SKA2: variants seen among roughly 807,000 people sequenced by gnomAD.
SKA2 encodes spindle and kinetochore-associated protein 2.
In SKA2, 13 loss-of-function variants were observed where a neutral mutation model predicts 16.9. The ratio of observed to expected loss-of-function variants is 0.77; its 90% CI spans 0.50 to 1.22. The LOEUF is 1.22. Among genes scored for constraint, SKA2 ranks in the 50% most tolerant of loss-of-function variants. The probability of loss-of-function intolerance (pLI) is 0.00; values close to 1 mark genes in which losing one functional copy is unlikely to be tolerated. For synonymous variants in SKA2, 47 were observed against 48.5 expected (o/e 0.97, Z 0.13); for missense variants, 107 against 139.7 (o/e 0.77, Z 1.18).
chr17:59,148,302 A>T (rs2046549613), intron 1 of SKA2, among the ~76,000 whole-genome samples: 1 of 152,174 alleles, frequency 6.6e-6, no homozygotes, highest in South Asian at 2.1e-4. Context: ...TCTATCCGGC[A>T]CAGTGGTTCA....
At position 59,147,281 on chromosome 17, in the gene SKA2, C is replaced by G. The variant is rs144857425; in HGVS notation, c.33+7850G>C. ...TCCTACCCACTATTCTAACAGCCCA[C>G]TAGAGAACAGTAAGAAATTGTAATT... On this transcript the variant is annotated intron_variant, in intron 1 of 3. Coordinates refer to ENST00000330137, the MANE Select transcript of SKA2 (RefSeq NM_182620.4). Among the ~76,000 whole-genome samples, 92 of 151,962 alleles carry G rather than the reference C, an allele frequency of 6.1e-4. 2 individuals carry two copies. Among genetic ancestry groups the G allele is most frequent in the African/African-American group, 2.1e-3 (88 of 41,438 alleles).
chr17:59,126,112 A>G (rs2046370753), intron 2 of SKA2, among the ~76,000 whole-genome samples: 1 of 152,066 alleles, frequency 6.6e-6, no homozygotes, highest in Non-Finnish European at 1.5e-5. Context: ...CGGAGCTTGC[A>G]GTGAGCCGAG....
At chr17:59,122,347 C>G (rs112419225) in intron 2 of SKA2, among the ~76,000 whole-genome samples, 1 of 151,958 alleles carries the variant, frequency 6.6e-6, no homozygotes, top group Non-Finnish European at 1.5e-5. Context: ...CAGTGACTCA[C>G]GCCTGCAAGT....
Position 59,111,892 on chromosome 17 carries a change from C to A in SKA2, c.*385G>T. The A allele has an allele frequency of 5.8e-6, 1 of 171,058 alleles. No individual in the cohort carries two copies. The allele number at this position is 171,058 out of a possible 1,614,324, so 10.6% of individuals were successfully genotyped here. The stretch of plus-strand genomic sequence containing the variant: ...TACTTTAATTTACAAAGCCACATAC[C>A]GAATGACTGAAATGTACATAAACAT... On this transcript the variant is annotated 3_prime_UTR_variant, in exon 4 of 4. Coordinates refer to ENST00000330137, the MANE Select transcript of SKA2 (RefSeq NM_182620.4).
chr17:59,154,358 A>ATG (rs2046604024), intron 1 of SKA2, among the ~76,000 whole-genome samples: 1 of 152,062 alleles, frequency 6.6e-6, no homozygotes, highest in Non-Finnish European at 1.5e-5. Flanking sequence ...ACAGCCCCCC[A>ATG]GCTGGGCGCC....
At chr17:59,118,945 A>G (rs541218090) in intron 3 of SKA2, among the ~76,000 whole-genome samples, 18 of 152,194 alleles carry the variant, frequency 1.2e-4, no homozygotes, top group Non-Finnish European at 2.2e-4. Flanking sequence ...CTCGTGGCAG[A>G]CTACGCTATT....
At chr17:59,149,906 T>C (rs944725774) in intron 1 of SKA2, among the ~76,000 whole-genome samples, 6 of 152,032 alleles carry the variant, frequency 3.9e-5, no homozygotes, top group Non-Finnish European at 5.9e-5. Context: ...CACAAAGGAA[T>C]GTAGGGGTCT....
intron 2 of SKA2, among the ~76,000 whole-genome samples, chr17:59,127,703 A>T (rs900393693): frequency 2.0e-4 from 30 of 151,576 alleles, no homozygotes; most frequent in African/African-American, 2.9e-4. Flanking sequence ...TTTTTTTTTT[A>T]AACTGAGAAT....
rs1014429657 is a variant in SKA2 at position 59,111,869 on chromosome 17, C to G, written c.*408G>C. 1 of 161,450 alleles carries G rather than the reference C, an allele frequency of 6.2e-6. No individual in the cohort carries two copies. Among genetic ancestry groups the G allele is most frequent in the Non-Finnish European group, 1.4e-5 (1 of 72,212 alleles). 10.0% of individuals were successfully genotyped at this position (161,450 alleles called of 1,614,324 possible). ...GTATAACACAAATGTTTTGCCTATACTTTAATTTACAAAGCCACATACCGA... is the reference window on the plus strand; with the variant it reads ...GTATAACACAAATGTTTTGCCTATAGTTTAATTTACAAAGCCACATACCGA... On this transcript the variant is annotated 3_prime_UTR_variant, in exon 4 of 4. Transcript: ENST00000330137.
In SKA2 at chr17:59,120,195, A is replaced by T. The variant is rs534720687; in HGVS notation, c.121-700T>A. 2.4e-3 allele frequency among the ~76,000 whole-genome samples: 371 copies of T among 152,286 alleles called. 1 individual carries two copies. Among genetic ancestry groups the T allele is most frequent in the Middle Eastern group, 6.8e-3 (2 of 294 alleles). On this transcript the variant is annotated intron_variant, in intron 2 of 3. Coordinates refer to ENST00000330137, the MANE Select transcript of SKA2 (RefSeq NM_182620.4). ...AGTGCTGGGATTACAGGTGTGAGCC[A>T]CTGCGCCCGGCCAAAATTCGTAAAC...
At chr17:59,133,850 A>AT (rs1425740611) in intron 1 of SKA2, among the ~76,000 whole-genome samples, 2 of 152,152 alleles carry the variant, frequency 1.3e-5, no homozygotes, top group Non-Finnish European at 2.9e-5. Context: ...AAAGAAAGAG[A>AT]AGGTTTTTGT....
At chr17:59,119,061 T>G (rs1428776496) in intron 3 of SKA2, among the ~76,000 whole-genome samples, 1 of 152,186 alleles carries the variant, frequency 6.6e-6, no homozygotes, top group Non-Finnish European at 1.5e-5. Flanking sequence ...GCTGCTAGAT[T>G]TTATAAGTAT....
chr17:59,119,314 A>G lies in SKA2; in HGVS notation c.297+5T>C, dbSNP rs754652343. 6.2e-7 allele frequency: 1 copy of G among 1,613,312 alleles called. No individual in the cohort carries two copies. The highest frequency in any genetic ancestry group is 2.2e-5 in the East Asian group (1 of 44,854). On this transcript the variant is annotated splice_donor_5th_base_variant and intron_variant, in intron 3 of 3. Transcript: ENST00000330137. ...CAAATCTAACCTGTCAACTGAAAGC[A>G]TTACCTCCAGGTCTGTTTGCTTCTG...
At chr17:59,117,277 T>TA in intron 3 of SKA2, among the ~76,000 whole-genome samples, 1 of 152,350 alleles carries the variant, frequency 6.6e-6, no homozygotes, top group East Asian at 1.9e-4. Flanking sequence ...ATTTGGATCA[T>TA]AAAAATTTAT....
rs149114699 is a variant in SKA2, at chr17:59,110,147, T to C, written c.*2130A>G. 2 of 152,286 alleles carry C rather than the reference T, an allele frequency of 1.3e-5. No homozygotes were observed. Among genetic ancestry groups the C allele is most frequent in the African/African-American group, 4.8e-5 (2 of 41,556 alleles). 9.4% of individuals were successfully genotyped at this position (152,286 alleles called of 1,614,324 possible). ...GATCTAGAGCTAGTGGAAGAAGTTATATTTAGGAGTCATCCACAAAGAGGC... is the reference window on the plus strand; with the variant it reads ...GATCTAGAGCTAGTGGAAGAAGTTACATTTAGGAGTCATCCACAAAGAGGC... On this transcript the variant is annotated 3_prime_UTR_variant, in exon 4 of 4. Coordinates refer to ENST00000330137, the MANE Select transcript of SKA2 (RefSeq NM_182620.4).
At chr17:59,141,723 CAAA>C (rs540951589) in intron 1 of SKA2, among the ~76,000 whole-genome samples, 7 of 53,316 alleles carry the variant, frequency 1.3e-4, no homozygotes, top group Admixed American at 2.1e-4. Context: ...GACCTTGTCT[CAAA>C]AAAAAAAAAA....
At chr17:59,133,028 A>C (rs1043967490) in intron 1 of SKA2, among the ~76,000 whole-genome samples, 1 of 152,222 alleles carries the variant, frequency 6.6e-6, no homozygotes, top group Non-Finnish European at 1.5e-5. Flanking sequence ...CCCAGGCTGA[A>C]GTGTTGTGGC....
At chr17:59,131,500 A>G (rs1045251008) in intron 1 of SKA2, 133 bp from the exon 2 acceptor site, 1 of 519,404 alleles carries the variant, frequency 1.9e-6, no homozygotes, top group Admixed American at 3.9e-5. Flanking sequence ...ATGTGGAAAT[A>G]AAAAGTATAT....
intron 1 of SKA2, 116 bp downstream of exon 1, chr17:59,155,015 G>A (rs1214851852): frequency 6.2e-7 from 1 of 1,613,950 alleles, no homozygotes; most frequent in East Asian, 2.2e-5. Context: ...GAGGGAACTC[G>A]ACTCTGGTCC....
Sources: gnomAD v4.1 joint callset for allele counts (sites outside exome capture counted in the v4.1 genomes callset) on GRCh38, gnomAD v4.1.1 for gene constraint, MANE v1.5 for transcripts, NCBI Gene and HGNC (gene_info 2026-07-23, HGNC 2026-07-21) for gene names.